Variants in GNAQ observed in about 807,000 individuals in gnomAD.
GNAQ encodes the protein G protein subunit alpha q, also known as guanine nucleotide-binding protein G(q) subunit alpha.
GNAQ carries 8 observed loss-of-function variants against 43.9 expected under a neutral mutation model. The ratio of observed to expected loss-of-function variants is 0.18; its 90% CI spans 0.11 to 0.33. The LOEUF (loss-of-function observed/expected upper bound fraction) is 0.33, where lower values mean the gene tolerates loss of function less well. Ranked by LOEUF, GNAQ falls within the 10% of genes least tolerant of loss-of-function variation. The probability of loss-of-function intolerance (pLI) is 1.00; values close to 1 mark genes in which losing one functional copy is unlikely to be tolerated. For missense variants in GNAQ, 158 were observed against 450.8 expected (o/e 0.35, Z 5.88); for synonymous variants, 155 against 170.7 (o/e 0.91, Z 0.71).
chr9:77,997,564 G>A, intron 1 of GNAQ, among the ~76,000 whole-genome samples: 1 of 152,166 alleles, frequency 6.6e-6, no homozygotes, highest in Non-Finnish European at 1.5e-5. Flanking sequence ...CGGTAAGTCA[G>A]GCGAGGTGAT....
chr9:78,021,045 C>CTTTTTTT (rs545575616), intron 1 of GNAQ, among the ~76,000 whole-genome samples: 6 of 112,184 alleles, frequency 5.3e-5, no homozygotes, highest in African/African-American at 1.0e-4. Context: ...CAGGAAGCTG[C>CTTTTTTT]TTTTTTTTTT....
chr9:77,853,973 T>C (rs1031305793), intron 2 of GNAQ, among the ~76,000 whole-genome samples: 2 of 152,072 alleles, frequency 1.3e-5, no homozygotes, highest in African/African-American at 4.8e-5. Context: ...GCCACTGCTA[T>C]AGGAAAAAAT....
chr9:77,828,586 A>G (rs1271891600), intron 2 of GNAQ, among the ~76,000 whole-genome samples: 3 of 152,228 alleles, frequency 2.0e-5, no homozygotes, highest in Non-Finnish European at 4.4e-5. Context: ...AATTTCCAAC[A>G]ATGCAGTAAA....
At chr9:77,911,006 GA>G (rs1828792830) in intron 2 of GNAQ, among the ~76,000 whole-genome samples, 1 of 152,222 alleles carries the variant, frequency 6.6e-6, no homozygotes, top group Non-Finnish European at 1.5e-5. Context: ...CAACAGAGTA[GA>G]ACCATATGTC....
intron 5 of GNAQ, among the ~76,000 whole-genome samples, chr9:77,747,428 G>A (rs1394890850): frequency 6.6e-6 from 1 of 152,090 alleles, no homozygotes; most frequent in Non-Finnish European, 1.5e-5. Flanking sequence ...AAAGGTAGAG[G>A]AGATCAGTAA....
intron 3 of GNAQ, among the ~76,000 whole-genome samples, chr9:77,813,662 G>C (rs1388768307): frequency 6.6e-6 from 1 of 152,178 alleles, no homozygotes; most frequent in Admixed American, 6.6e-5. Flanking sequence ...TCTATCCCAG[G>C]AGGAGGAGGC....
intron 1 of GNAQ, among the ~76,000 whole-genome samples, chr9:77,926,211 G>A (rs530674647): frequency 2.0e-5 from 3 of 152,116 alleles, no homozygotes; most frequent in Non-Finnish European, 4.4e-5. Flanking sequence ...AATTTCATGT[G>A]TCATTCTCCT....
intron 5 of GNAQ, among the ~76,000 whole-genome samples, chr9:77,729,022 G>A (rs1403246281): frequency 6.6e-6 from 1 of 152,192 alleles, no homozygotes; most frequent in Non-Finnish European, 1.5e-5. Flanking sequence ...AAATATTTGA[G>A]ATCTGAACTA....
chr9:77,915,771 T>A (rs1167972925), intron 2 of GNAQ, among the ~76,000 whole-genome samples: 2 of 152,174 alleles, frequency 1.3e-5, no homozygotes, highest in Admixed American at 6.5e-5. Context: ...CACTCCAGAA[T>A]AAGAAATTTT....
At chr9:77,849,309 T>C (rs919498807) in intron 2 of GNAQ, among the ~76,000 whole-genome samples, 1 of 152,002 alleles carries the variant, frequency 6.6e-6, no homozygotes, top group Non-Finnish European at 1.5e-5. Context: ...AAAATAGAAA[T>C]AATAAGAGTT....
chr9:77,803,748 G>C (rs1320397777), intron 3 of GNAQ, among the ~76,000 whole-genome samples: 2 of 152,156 alleles, frequency 1.3e-5, no homozygotes, highest in Non-Finnish European at 2.9e-5. Flanking sequence ...TGTATATTTT[G>C]GATACAGTCA....
At chr9:77,916,148 C>G (rs1828899475) in intron 2 of GNAQ, among the ~76,000 whole-genome samples, 2 of 152,210 alleles carry the variant, frequency 1.3e-5, no homozygotes, top group East Asian at 3.8e-4. Flanking sequence ...GCTTCTACTC[C>G]CTTCTCCCAG....
At chr9:77,806,824 A>G (rs1357992970) in intron 3 of GNAQ, among the ~76,000 whole-genome samples, 1 of 152,224 alleles carries the variant, frequency 6.6e-6, no homozygotes, top group Non-Finnish European at 1.5e-5. Flanking sequence ...GACACAAATC[A>G]TGTCCTCAAG....
intron 1 of GNAQ, among the ~76,000 whole-genome samples, chr9:78,021,845 T>C (rs2118605974): frequency 6.6e-6 from 1 of 152,362 alleles, no homozygotes; most frequent in East Asian, 1.9e-4. Context: ...AGGAAGCTGC[T>C]TGAGGATACG....
At chr9:77,768,044 G>C (rs892284645) in intron 5 of GNAQ, among the ~76,000 whole-genome samples, 1 of 152,176 alleles carries the variant, frequency 6.6e-6, no homozygotes, top group Non-Finnish European at 1.5e-5. Flanking sequence ...CAGGGACTGT[G>C]CTAAATATTT....
intron 2 of GNAQ, among the ~76,000 whole-genome samples, chr9:77,838,445 A>T (rs1376698940): frequency 6.6e-6 from 1 of 151,900 alleles, no homozygotes; most frequent in Non-Finnish European, 1.5e-5. Flanking sequence ...CCCAGCCAAG[A>T]TCCTTAAAGT....
At chr9:77,840,643 G>A (rs1225082171) in intron 2 of GNAQ, among the ~76,000 whole-genome samples, 4 of 151,982 alleles carry the variant, frequency 2.6e-5, no homozygotes, top group African/African-American at 9.7e-5. Context: ...GGCTGCATTT[G>A]ATTGTTTTAT....
chr9:78,028,792 A>C (rs1358307245), intron 1 of GNAQ, among the ~76,000 whole-genome samples: 1 of 152,166 alleles, frequency 6.6e-6, no homozygotes, highest in Non-Finnish European at 1.5e-5. Flanking sequence ...TTCCTTGTTG[A>C]AATCAACCGT....
At chr9:77,861,443 T>C (rs1272510014) in intron 2 of GNAQ, among the ~76,000 whole-genome samples, 1 of 152,202 alleles carries the variant, frequency 6.6e-6, no homozygotes, top group Non-Finnish European at 1.5e-5. Flanking sequence ...CATTTCAGCA[T>C]TAACTCAGAC....
Sources: gnomAD v4.1 joint callset for allele counts (sites outside exome capture counted in the v4.1 genomes callset) on GRCh38, gnomAD v4.1.1 for gene constraint, MANE v1.5 for transcripts, NCBI Gene and HGNC (gene_info 2026-07-23, HGNC 2026-07-21) for gene names.